The following CHORDC1 variants were observed in gnomAD, a reference collection of about 807,000 sequenced individuals.
The protein encoded by CHORDC1 is cysteine and histidine rich domain containing 1.
A neutral mutation model predicts 48.3 loss-of-function variants in CHORDC1; 25 were observed. The ratio of observed to expected loss-of-function variants is 0.52; its 90% CI spans 0.38 to 0.72. The LOEUF (loss-of-function observed/expected upper bound fraction) is 0.72. CHORDC1 is among the 30% of genes least tolerant of loss of function. The pLI, the probability that CHORDC1 is intolerant of heterozygous loss-of-function variation, is 0.00. For synonymous variants in CHORDC1, 128 were observed against 126.4 expected (o/e 1.01, Z -0.09); for missense variants, 317 against 388.7 (o/e 0.82, Z 1.55).
intron 1 of CHORDC1, among the ~76,000 whole-genome samples, chr11:90,220,331 G>C (rs530219712): frequency 6.6e-6 from 1 of 152,268 alleles, no homozygotes; most frequent in African/African-American, 2.4e-5. Context: ...GTATCTTCCT[G>C]ATACAGTAAG....
intron 6 of CHORDC1, chr11:90,206,630 G>T: frequency 2.4e-6 from 1 of 409,508 alleles, no homozygotes; most frequent in Non-Finnish European, 4.4e-6. Context: ...TGACTTATGT[G>T]TACAGTAAAC....
intron 1 of CHORDC1, among the ~76,000 whole-genome samples, chr11:90,220,719 T>G (rs1297308998): frequency 6.6e-6 from 1 of 152,112 alleles, no homozygotes; most frequent in Non-Finnish European, 1.5e-5. Flanking sequence ...TTTATCAGTT[T>G]TAAGAGTTTT....
intron 7 of CHORDC1, 144 bp from the exon 8 acceptor site, chr11:90,205,709 G>C: frequency 1.6e-6 from 1 of 608,944 alleles, no homozygotes; most frequent in South Asian, 2.1e-5. Flanking sequence ...TACTAAAAAT[G>C]AATGTACAGT....
chr11:90,219,649 G>GC (rs1339832399), intron 1 of CHORDC1, among the ~76,000 whole-genome samples: 3 of 152,200 alleles, frequency 2.0e-5, no homozygotes, highest in African/African-American at 7.2e-5. Flanking sequence ...CAGATAACTA[G>GC]CCAGAGCCCA....
At chr11:90,211,423 G>A (rs1008612012) in intron 4 of CHORDC1, 105 bp from the exon 5 acceptor site, 1 of 719,110 alleles carries the variant, frequency 1.4e-6, no homozygotes, top group Non-Finnish European at 2.5e-6. Context: ...AATGCTTTGT[G>A]TATCAAATGA....
At chr11:90,217,793 A>G in intron 2 of CHORDC1, 1 of 158,836 alleles carries the variant, frequency 6.3e-6, no homozygotes, top group Non-Finnish European at 1.4e-5. Context: ...CCGGCTCCTC[A>G]GGAGGCTGAG....
rs574777995 is a variant in CHORDC1 at position 90,221,580 on chromosome 11, T to A, written c.64+1311A>T. 5.9e-5 allele frequency among the ~76,000 whole-genome samples: 9 copies of A among 152,340 alleles called. No individual in the cohort carries two copies. The South Asian group carries it at 1.9e-3, about 32-fold the overall frequency. Reference sequence around the variant, plus strand: ...CCCTGTATTCTATATTAAAGTAGAATATCTGCAGACATAAGTGCAATTAAT... The same window carrying A: ...CCCTGTATTCTATATTAAAGTAGAAAATCTGCAGACATAAGTGCAATTAAT... On this transcript the variant is annotated intron_variant, in intron 1 of 10. Coordinates refer to ENST00000320585, the MANE Select transcript of CHORDC1 (RefSeq NM_012124.3).
intron 1 of CHORDC1, among the ~76,000 whole-genome samples, chr11:90,221,419 C>CCCA (rs1276385029): frequency 6.6e-5 from 10 of 152,180 alleles, no homozygotes; most frequent in African/African-American, 2.4e-4. Flanking sequence ...CTGCTGACCA[C>CCCA]CCAAGTTTTG....
intron 4 of CHORDC1, chr11:90,212,113 T>C (rs1857884394): frequency 6.6e-6 from 1 of 152,062 alleles, no homozygotes; most frequent in African/African-American, 2.4e-5. Flanking sequence ...CTCCGCAAAA[T>C]AATAAAAAAT....
At chr11:90,220,348 C>T (rs569626170) in intron 1 of CHORDC1, among the ~76,000 whole-genome samples, 2 of 152,130 alleles carry the variant, frequency 1.3e-5, no homozygotes, top group East Asian at 3.9e-4. Context: ...TAAGTAAATC[C>T]GTGGGATCAG....
Position 90,203,454 on chromosome 11 carries a change from T to C in CHORDC1, c.670-27A>G, listed in dbSNP as rs758313037. The C allele has an allele frequency of 1.1e-5, 16 of 1,498,776 alleles. 1 individual carries two copies. The South Asian group carries it at 2.1e-4, about 19-fold the overall frequency. 92.8% of individuals were successfully genotyped at this position (1,498,776 alleles called of 1,614,324 possible). A position where few individuals can be genotyped will look rare whatever the true frequency, so the allele number is the denominator to read the frequency against. ...TGTAATGTAAGAGAAACTCTGTAAG[T>C]TAAAAAAGTGCCACATAATTAATTT... On this transcript the variant is annotated intron_variant, in intron 8 of 10. Transcript: ENST00000320585.
At chr11:90,207,614 A>T (rs1857731829) in intron 6 of CHORDC1, 1 of 152,108 alleles carries the variant, frequency 6.6e-6, no homozygotes, top group African/African-American at 2.4e-5. Context: ...GGTAAGCAAG[A>T]GACATTAGAG....
At chr11:90,213,212 T>C (rs1194933618) in intron 4 of CHORDC1, 1 of 476,588 alleles carries the variant, frequency 2.1e-6, no homozygotes, top group East Asian at 3.1e-5. Context: ...CTTAGGGTTC[T>C]TATCTTGGTT....
intron 8 of CHORDC1, among the ~76,000 whole-genome samples, chr11:90,204,763 ATC>A (rs1196468025): frequency 6.6e-6 from 1 of 152,080 alleles, no homozygotes; most frequent in Non-Finnish European, 1.5e-5. Context: ...AAATATTGAA[ATC>A]TCTAAATTAA....
Position 90,202,869 on chromosome 11 carries a change from C to A in CHORDC1, c.796G>T (p.Val266Leu), listed in dbSNP as rs761982949. ...TTCTCTCCTTCAAATACAATATGCA[C>A]ATTTAACTGAAAAAGATATACACAG... The part of the protein sequence containing the change: ...RVEANSTLLN[V>L]HIVFEGEKEF... Residue 266 changes from valine to leucine, a missense_variant, in exon 10 of 11, where the codon GTG becomes TTG. By Grantham distance (32) the Val-to-Leu change is conservative. Transcript: ENST00000320585. The A allele has an allele frequency of 3.9e-5, 62 of 1,598,760 alleles. No individual in the cohort carries two copies. Among genetic ancestry groups the A allele is most frequent in the Non-Finnish European group, 5.1e-5 (60 of 1,172,258 alleles).
Position 90,214,004 on chromosome 11 carries a change from T to C in CHORDC1, c.329+14A>G. ...TTCAAGTGTGACAAAAATATGTAAC[T>C]GTATAAAGTATACCTTGGTCTTTTT... On this transcript the variant is annotated intron_variant, in intron 4 of 10. Coordinates refer to ENST00000320585, the MANE Select transcript of CHORDC1 (RefSeq NM_012124.3). The C allele has an allele frequency of 1.3e-6, 2 of 1,589,918 alleles. No individual in the cohort carries two copies. The highest frequency in any genetic ancestry group is 1.4e-5 in the African/African-American group (1 of 73,784).
At chr11:90,222,417 G>T in intron 1 of CHORDC1, 2 of 343,410 alleles carry the variant, frequency 5.8e-6, no homozygotes, top group Non-Finnish European at 1.1e-5. Context: ...CTTCTACAAG[G>T]CAGAGCTTAC....
chr11:90,219,304 A>G (rs1305080861), intron 1 of CHORDC1, among the ~76,000 whole-genome samples: 1 of 151,916 alleles, frequency 6.6e-6, no homozygotes, highest in Non-Finnish European at 1.5e-5. Context: ...TCTACAGCCT[A>G]TTTTCTAGAT....
intron 1 of CHORDC1, 121 bp downstream of exon 1, chr11:90,222,770 G>T: frequency 1.1e-6 from 1 of 893,736 alleles, no homozygotes; most frequent in Non-Finnish European, 1.8e-6. Context: ...GCCCAGGAGG[G>T]GCATGGACCT....
Sources: gnomAD v4.1 joint callset for allele counts (sites outside exome capture counted in the v4.1 genomes callset) on GRCh38, gnomAD v4.1.1 for gene constraint, MANE v1.5 for transcripts, NCBI Gene and HGNC (gene_info 2026-07-23, HGNC 2026-07-21) for gene names.